Variants in GFRA1 observed in about 807,000 individuals in gnomAD.
GFRA1 encodes GDNF family receptor alpha 1.
Under a neutral mutation model 51.6 loss-of-function variants are expected in GFRA1, and 16 were observed. The ratio of observed to expected loss-of-function variants is 0.31; its 90% CI spans 0.21 to 0.47. The LOEUF is 0.47. Ranked by LOEUF, GFRA1 falls within the 20% of genes least tolerant of loss-of-function variation. The pLI is 1.00. For synonymous variants in GFRA1, 270 were observed against 241.3 expected, an observed-to-expected ratio of 1.12 and a Z score of -1.10; for missense variants, 530 against 594.3, an observed-to-expected ratio of 0.89 and a Z score of 1.13.
intron 4 of GFRA1, among the ~76,000 whole-genome samples, chr10:116,220,527 A>T (rs933754282): frequency 3.9e-5 from 6 of 152,246 alleles, no homozygotes; most frequent in African/African-American, 1.2e-4. Flanking sequence ...TAAACAGAAG[A>T]CAATGATAAT....
chr10:116,096,900 C>T (rs1219926341), intron 6 of GFRA1, 136 bp from the exon 7 acceptor site: 3 of 656,862 alleles, frequency 4.6e-6, no homozygotes, highest in African/African-American at 1.9e-5. Flanking sequence ...CACACACACA[C>T]ATACACACAA....
At chr10:116,176,809 A>C (rs900601058) in intron 5 of GFRA1, among the ~76,000 whole-genome samples, 10 of 149,118 alleles carry the variant, frequency 6.7e-5, no homozygotes, top group African/African-American at 2.4e-4. Flanking sequence ...TAAAAAGATA[A>C]GACTCTGTGA....
At chr10:116,155,103 G>T (rs1195291978) in intron 5 of GFRA1, among the ~76,000 whole-genome samples, 1 of 152,132 alleles carries the variant, frequency 6.6e-6, no homozygotes, top group Non-Finnish European at 1.5e-5. Context: ...TAGCTTCCCA[G>T]AACTCTAATG....
intron 5 of GFRA1, among the ~76,000 whole-genome samples, chr10:116,194,881 G>T (rs1210559866): frequency 6.6e-6 from 1 of 152,132 alleles, no homozygotes; most frequent in Non-Finnish European, 1.5e-5. Context: ...TCAAGACACA[G>T]GAAAGAAGGC....
intron 6 of GFRA1, among the ~76,000 whole-genome samples, chr10:116,108,089 G>A (rs1002254829): frequency 1.3e-5 from 2 of 152,120 alleles, no homozygotes; most frequent in African/African-American, 4.8e-5. Flanking sequence ...ATGGATTTCT[G>A]AATGGCTAAC....
Position 116,272,284 on chromosome 10 carries a change from G to T in GFRA1, c.-246-9C>A. ...TTCAGGTCCGACCCAACCTGGAAGG[G>T]AGGGCGCGCTTTGAGATGAGAGCGG... On this transcript the variant is annotated splice_polypyrimidine_tract_variant and intron_variant, in intron 1 of 10. Coordinates refer to ENST00000355422, the MANE Select transcript of GFRA1 (RefSeq NM_005264.8). The surrounding 1 kb of genome is among the most constrained non-coding windows in gnomAD (Gnocchi z 4.4). The T allele has an allele frequency of 1.0e-5, 6 of 578,570 alleles. No homozygotes were observed. The highest frequency in any genetic ancestry group is 1.9e-5 in the Non-Finnish European group (6 of 323,300). 35.8% of individuals were successfully genotyped at this position (578,570 alleles called of 1,614,324 possible). A position where few individuals can be genotyped will look rare whatever the true frequency, so the allele number is the denominator to read the frequency against.
At chr10:116,196,545 ATATT>A (rs1963777135) in intron 5 of GFRA1, among the ~76,000 whole-genome samples, 2 of 122,392 alleles carry the variant, frequency 1.6e-5, no homozygotes, top group Non-Finnish European at 3.2e-5. Context: ...AAATTTATAT[ATATT>A]TTTATATATA....
intron 6 of GFRA1, among the ~76,000 whole-genome samples, chr10:116,114,522 A>C (rs552786438): frequency 6.6e-6 from 1 of 152,266 alleles, no homozygotes; most frequent in Non-Finnish European, 1.5e-5. Context: ...AGAAGTGTAG[A>C]GTAATGGGAA....
intron 5 of GFRA1, among the ~76,000 whole-genome samples, chr10:116,199,223 G>A (rs186132206): frequency 2.0e-4 from 31 of 152,254 alleles, no homozygotes; most frequent in Admixed American, 3.3e-4. Flanking sequence ...CTAAGTAACT[G>A]CAGCATCCAA....
At chr10:116,071,309 C>T (rs923264753) in intron 9 of GFRA1, among the ~76,000 whole-genome samples, 4 of 152,206 alleles carry the variant, frequency 2.6e-5, no homozygotes, top group East Asian at 1.9e-4. Context: ...CAGCCAGAGG[C>T]TTTCATTACA....
intron 4 of GFRA1, among the ~76,000 whole-genome samples, chr10:116,212,457 T>C (rs947846649): frequency 2.7e-5 from 4 of 149,896 alleles, no homozygotes; most frequent in African/African-American, 7.4e-5. Context: ...GAGGAGGAGG[T>C]TGCAGTAAGC....
chr10:116,250,246 T>C (rs1296290926), intron 4 of GFRA1, among the ~76,000 whole-genome samples: 1 of 152,154 alleles, frequency 6.6e-6, no homozygotes, highest in South Asian at 2.1e-4. Context: ...TGAACCTTCA[T>C]CTCCTGGGGC....
At chr10:116,109,785 A>T (rs1957137169) in intron 6 of GFRA1, among the ~76,000 whole-genome samples, 1 of 152,170 alleles carries the variant, frequency 6.6e-6, no homozygotes. Context: ...CCTGCCCTGG[A>T]AGAGCAGACA....
At chr10:116,082,255 T>A (rs964876829) in intron 9 of GFRA1, among the ~76,000 whole-genome samples, 6 of 152,192 alleles carry the variant, frequency 3.9e-5, no homozygotes, top group African/African-American at 9.6e-5. Context: ...GGCAGGTAAG[T>A]CAGATGAAGC....
At chr10:116,095,718 G>A (rs11593948) in intron 7 of GFRA1, among the ~76,000 whole-genome samples, 1,670 of 152,272 alleles carry the variant, frequency 0.011, 14 homozygotes, top group Middle Eastern at 0.031. Flanking sequence ...TGGTGACAAA[G>A]AATGTAGTCT....
At position 116,093,685 on chromosome 10, in the gene GFRA1, AT is replaced by A; in HGVS notation, c.1015+16del. 1 of 1,612,388 alleles carries A rather than the reference AT, an allele frequency of 6.2e-7. No homozygotes were observed. The highest frequency in any genetic ancestry group is 8.5e-7 in the Non-Finnish European group (1 of 1,178,552). ...AAATGCGTTTGCTCCTTTGTTTCTT[AT>A]TTTTTACAAACTCACTAAGACATGT... On this transcript the variant is annotated intron_variant, in intron 8 of 10. Transcript: ENST00000355422.
At chr10:116,197,725 A>G (rs118151588) in intron 5 of GFRA1, among the ~76,000 whole-genome samples, 1 of 152,342 alleles carries the variant, frequency 6.6e-6, no homozygotes, top group East Asian at 1.9e-4. Flanking sequence ...GAAATTAAAC[A>G]GGGACATGGG....
Position 116,165,340 on chromosome 10 carries a change from T to C in GFRA1, c.434-39783A>G, listed in dbSNP as rs576801429. Among the ~76,000 whole-genome samples the C allele has an allele frequency of 6.2e-5, 9 of 146,222 alleles. No individual in the cohort carries two copies. The South Asian group carries it at 1.7e-3, about 27-fold the overall frequency. ...AAGTCACTTCCATATGTTTGAAATG[T>C]TGGGTCCATTTCTCTCCTTATAAAA... On this transcript the variant is annotated intron_variant, in intron 5 of 10. Coordinates refer to ENST00000355422, the MANE Select transcript of GFRA1 (RefSeq NM_005264.8).
chr10:116,246,658 CAA>C (rs1967891059), intron 4 of GFRA1, among the ~76,000 whole-genome samples: 1 of 152,118 alleles, frequency 6.6e-6, no homozygotes, highest in South Asian at 2.1e-4. Flanking sequence ...GAGGCATAAG[CAA>C]AGAAACAGGT....
Sources: gnomAD v4.1 joint callset for allele counts (sites outside exome capture counted in the v4.1 genomes callset) on GRCh38, gnomAD v4.1.1 for gene constraint, Gnocchi (gnomAD v3.1) non-coding constraint, MANE v1.5 for transcripts, NCBI Gene and HGNC (gene_info 2026-07-23, HGNC 2026-07-21) for gene names.